The following KCNT2 variants were observed in gnomAD, a reference collection of about 807,000 sequenced individuals.
KCNT2 encodes potassium channel subfamily T member 2.
KCNT2 carries 67 observed loss-of-function variants against 153.8 expected under a neutral mutation model. The ratio of observed to expected loss-of-function variants is 0.44; its 90% CI spans 0.36 to 0.53. KCNT2 has a LOEUF of 0.53. Ranked by LOEUF, KCNT2 falls within the 20% of genes least tolerant of loss-of-function variation. The probability of loss-of-function intolerance (pLI) is 0.00; values close to 1 mark genes in which losing one functional copy is unlikely to be tolerated. For missense variants in KCNT2, 975 were observed against 1,354.8 expected (o/e 0.72, Z 4.40); for synonymous variants, 500 against 458.8 (o/e 1.09, Z -1.15).
chr1:196,346,346 G>T (rs965621905), intron 14 of KCNT2, among the ~76,000 whole-genome samples: 5 of 151,986 alleles, frequency 3.3e-5, no homozygotes, highest in Non-Finnish European at 7.4e-5. Flanking sequence ...TGAATGTATT[G>T]AATTTAGCTT....
intron 1 of KCNT2, among the ~76,000 whole-genome samples, chr1:196,498,943 T>C (rs1372529228): frequency 6.6e-6 from 1 of 152,206 alleles, no homozygotes; most frequent in Non-Finnish European, 1.5e-5. Flanking sequence ...CAAACTTATT[T>C]GGGAATGAGG....
chr1:196,267,020 AG>A (rs1657606378), intron 25 of KCNT2, among the ~76,000 whole-genome samples: 1 of 152,320 alleles, frequency 6.6e-6, no homozygotes, highest in Middle Eastern at 3.4e-3. Context: ...CCACAGTTAC[AG>A]GGAAAGGCTT....
chr1:196,380,403 A>C (rs186118133), intron 13 of KCNT2, among the ~76,000 whole-genome samples: 1 of 152,210 alleles, frequency 6.6e-6, no homozygotes, highest in African/African-American at 2.4e-5. Context: ...ATGAAAAATA[A>C]AATTGATAGT....
intron 26 of KCNT2, among the ~76,000 whole-genome samples, chr1:196,237,734 G>A (rs1654570578): frequency 6.6e-6 from 1 of 151,786 alleles, no homozygotes; most frequent in Admixed American, 6.6e-5. Context: ...GTTCCACTGG[G>A]AATCATGTAT....
chr1:196,396,875 C>G (rs1572298100), intron 13 of KCNT2, among the ~76,000 whole-genome samples: 1 of 150,836 alleles, frequency 6.6e-6, no homozygotes, highest in Non-Finnish European at 1.5e-5. Context: ...AATTTGATCT[C>G]TCGATGGAAG....
At chr1:196,508,720 C>A (rs1388020199) in intron 1 of KCNT2, among the ~76,000 whole-genome samples, 2 of 152,100 alleles carry the variant, frequency 1.3e-5, no homozygotes, top group Admixed American at 1.3e-4. Context: ...AGGAAATATA[C>A]ATAAGACTAC....
At chr1:196,450,165 T>C (rs1042318003) in intron 8 of KCNT2, among the ~76,000 whole-genome samples, 8 of 151,916 alleles carry the variant, frequency 5.3e-5, no homozygotes, top group African/African-American at 1.9e-4. Flanking sequence ...GCCAAGTGTT[T>C]TAGATACCAT....
At chr1:196,314,258 C>T (rs1662482287) in intron 21 of KCNT2, among the ~76,000 whole-genome samples, 1 of 151,252 alleles carries the variant, frequency 6.6e-6, no homozygotes, top group Admixed American at 6.6e-5. Context: ...TTAAAAAGAC[C>T]TAGGATCCTC....
At chr1:196,509,412 T>C (rs1175770511) in intron 1 of KCNT2, among the ~76,000 whole-genome samples, 1 of 152,170 alleles carries the variant, frequency 6.6e-6, no homozygotes, top group Non-Finnish European at 1.5e-5. Context: ...TCATAATCTA[T>C]GGTTATATGC....
At chr1:196,376,835 C>T (rs1669007347) in intron 13 of KCNT2, among the ~76,000 whole-genome samples, 1 of 151,968 alleles carries the variant, frequency 6.6e-6, no homozygotes, top group Non-Finnish European at 1.5e-5. Context: ...ATAGTTGTTT[C>T]CCTATTGCCC....
chr1:196,429,007 AC>A (rs1438596122), intron 9 of KCNT2, among the ~76,000 whole-genome samples: 1 of 134,178 alleles, frequency 7.5e-6, no homozygotes, highest in African/African-American at 2.8e-5. Context: ...CCATGTTCAG[AC>A]TTTTTTTTTT....
Position 196,429,764 on chromosome 1 carries a change from A to T in KCNT2, c.639-7T>A. On this transcript the variant is annotated splice_polypyrimidine_tract_variant and splice_region_variant and intron_variant, in intron 8 of 27. Transcript: ENST00000294725. Reference sequence around the variant, plus strand: ...ATGTTGGATCCCACAAATGCTAAAGAAACAAATATGCATTACAATTAAATC... The same window carrying T: ...ATGTTGGATCCCACAAATGCTAAAGTAACAAATATGCATTACAATTAAATC... The T allele has an allele frequency of 6.3e-7, 1 of 1,575,764 alleles. No homozygotes were observed. Among genetic ancestry groups the T allele is most frequent in the Non-Finnish European group, 8.6e-7 (1 of 1,159,292 alleles).
chr1:196,412,710 G>A (rs2148488887), intron 12 of KCNT2, among the ~76,000 whole-genome samples: 1 of 151,618 alleles, frequency 6.6e-6, no homozygotes, highest in Non-Finnish European at 1.5e-5. Flanking sequence ...TGGAAATTTT[G>A]AGTAAAGCAA....
At chr1:196,327,992 T>C (rs1395719833) in intron 18 of KCNT2, among the ~76,000 whole-genome samples, 4 of 152,102 alleles carry the variant, frequency 2.6e-5, no homozygotes, top group Non-Finnish European at 5.9e-5. Context: ...AAAACACTGC[T>C]GAAAACAAAG....
intron 8 of KCNT2, among the ~76,000 whole-genome samples, chr1:196,440,521 G>A (rs1480826702): frequency 3.9e-5 from 6 of 151,908 alleles, no homozygotes; most frequent in Admixed American, 6.6e-5. Flanking sequence ...TTAGGGTTTC[G>A]TGGAATAAAC....
chr1:196,422,424 TA>T (rs1673292328), intron 12 of KCNT2, among the ~76,000 whole-genome samples: 1 of 151,894 alleles, frequency 6.6e-6, no homozygotes, highest in Non-Finnish European at 1.5e-5. Context: ...GAACATAAAA[TA>T]ATGAAGCACT....
intron 13 of KCNT2, among the ~76,000 whole-genome samples, chr1:196,383,469 T>A (rs1377414723): frequency 5.3e-5 from 8 of 152,196 alleles, no homozygotes; most frequent in Non-Finnish European, 1.0e-4. Flanking sequence ...GGAATGAAAC[T>A]GGTCTTTGGA....
At chr1:196,523,750 C>G (rs1372681472) in intron 1 of KCNT2, among the ~76,000 whole-genome samples, 1 of 152,144 alleles carries the variant, frequency 6.6e-6, no homozygotes, top group African/African-American at 2.4e-5. Context: ...CTGACTTAGC[C>G]TGGTAACGTT....
intron 8 of KCNT2, among the ~76,000 whole-genome samples, chr1:196,446,912 A>T (rs1156709113): frequency 1.3e-5 from 2 of 151,546 alleles, no homozygotes; most frequent in Non-Finnish European, 3.0e-5. Flanking sequence ...TTTTACTACC[A>T]CCTGTCTTTA....
Sources: gnomAD v4.1 joint callset for allele counts (sites outside exome capture counted in the v4.1 genomes callset) on GRCh38, gnomAD v4.1.1 for gene constraint, MANE v1.5 for transcripts, NCBI Gene and HGNC (gene_info 2026-07-23, HGNC 2026-07-21) for gene names.